Variants in DYNC1I1 observed in about 807,000 individuals in gnomAD.
DYNC1I1 encodes the protein cytoplasmic dynein 1 intermediate chain 1.
In DYNC1I1, 43 loss-of-function variants were observed where a neutral mutation model predicts 86.6. The ratio of observed to expected loss-of-function variants is 0.50; its 90% CI spans 0.39 to 0.64. DYNC1I1 has a LOEUF of 0.64. DYNC1I1 is among the 30% of genes least tolerant of loss of function. The pLI is 0.00. For missense variants in DYNC1I1, 604 were observed against 788.8 expected, an observed-to-expected ratio of 0.77 and a Z score of 2.81; for synonymous variants, 262 against 283.7, an observed-to-expected ratio of 0.92 and a Z score of 0.77.
At chr7:96,028,887 T>G (rs1402265520) in intron 11 of DYNC1I1, among the ~76,000 whole-genome samples, 1 of 152,188 alleles carries the variant, frequency 6.6e-6, no homozygotes, top group Non-Finnish European at 1.5e-5. Flanking sequence ...TTCAGTATAG[T>G]GTTCATAAGA....
At chr7:95,872,769 A>G (rs926979006) in intron 6 of DYNC1I1, among the ~76,000 whole-genome samples, 14 of 152,170 alleles carry the variant, frequency 9.2e-5, no homozygotes, top group African/African-American at 3.1e-4. Flanking sequence ...CTTTGCCCCA[A>G]TATATTTGAA....
At chr7:95,836,919 T>A (rs1464956009) in intron 5 of DYNC1I1, among the ~76,000 whole-genome samples, 4 of 151,878 alleles carry the variant, frequency 2.6e-5, no homozygotes, top group African/African-American at 9.7e-5. Flanking sequence ...TTGAATGTCC[T>A]CCCGTAGCTC....
chr7:95,907,086 C>A (rs1791195019), intron 6 of DYNC1I1, among the ~76,000 whole-genome samples: 3 of 152,212 alleles, frequency 2.0e-5, no homozygotes, highest in South Asian at 2.1e-4. Flanking sequence ...GCTTCCTTAC[C>A]GAGAGCTGCT....
intron 9 of DYNC1I1, among the ~76,000 whole-genome samples, chr7:95,990,833 C>T (rs967708907): frequency 2.0e-5 from 3 of 152,032 alleles, no homozygotes; most frequent in Non-Finnish European, 4.4e-5. Context: ...AGTTCAAGAC[C>T]AGCCTGGGCA....
At chr7:95,876,197 T>G (rs1790304997) in intron 6 of DYNC1I1, among the ~76,000 whole-genome samples, 1 of 151,948 alleles carries the variant, frequency 6.6e-6, no homozygotes, top group African/African-American at 2.4e-5. Flanking sequence ...CTCCTAATGC[T>G]TCCCCCAGAA....
At chr7:96,080,589 C>T (rs973129035) in intron 16 of DYNC1I1, 101 bp downstream of exon 16, 3 of 1,589,108 alleles carry the variant, frequency 1.9e-6, no homozygotes, top group Admixed American at 3.4e-5. Context: ...CAAGGACCCT[C>T]TCTAACGTGC....
chr7:96,081,426 A>G (rs1390159475), intron 16 of DYNC1I1, among the ~76,000 whole-genome samples: 1 of 152,122 alleles, frequency 6.6e-6, no homozygotes, highest in Non-Finnish European at 1.5e-5. Context: ...AATTGTACTT[A>G]AGATTGTGTG....
chr7:95,958,883 A>T (rs1413549966), intron 6 of DYNC1I1, among the ~76,000 whole-genome samples: 2 of 152,228 alleles, frequency 1.3e-5, no homozygotes, highest in African/African-American at 4.8e-5. Flanking sequence ...GGAAGAAATA[A>T]AACACGATTA....
chr7:95,977,391 T>C, intron 6 of DYNC1I1, 121 bp from the exon 7 acceptor site: 1 of 741,524 alleles, frequency 1.3e-6, no homozygotes, highest in Non-Finnish European at 2.2e-6. Flanking sequence ...TGTGGACTGA[T>C]TTACTTAGAT....
Position 95,869,984 on chromosome 7 carries a change from C to G in DYNC1I1, c.476C>G (p.Thr159Arg). The G allele has an allele frequency of 6.2e-7, 1 of 1,613,328 alleles. No homozygotes were observed. The highest frequency in any genetic ancestry group is 8.5e-7 in the Non-Finnish European group (1 of 1,179,696). Residue 159 changes from threonine (T) to arginine (R), a missense_variant, in exon 6 of 17, where the codon ACG becomes AGG. Transcript: ENST00000447467. ...AAGGAGACCCAGACTCCTCTTGCCA[C>G]GCATCAGTCTGAAGGTAAACTATGT... is the stretch of plus-strand genomic sequence containing the variant. ...YSKETQTPLA[T>R]HQSEEDEEDE... is the part of the protein sequence containing the mutation.
At chr7:95,906,005 A>T (rs1476275365) in intron 6 of DYNC1I1, among the ~76,000 whole-genome samples, 2 of 152,200 alleles carry the variant, frequency 1.3e-5, no homozygotes, top group Admixed American at 1.3e-4. Context: ...AGGGCTTCCC[A>T]ACGGTAAGGA....
At chr7:95,944,120 A>G (rs189583394) in intron 6 of DYNC1I1, among the ~76,000 whole-genome samples, 17 of 152,320 alleles carry the variant, frequency 1.1e-4, no homozygotes, top group African/African-American at 3.4e-4. Context: ...TTTGCAACCT[A>G]CTCATCTGAC....
At chr7:95,861,881 G>A (rs1458814875) in intron 5 of DYNC1I1, among the ~76,000 whole-genome samples, 1 of 152,104 alleles carries the variant, frequency 6.6e-6, no homozygotes, top group Non-Finnish European at 1.5e-5. Flanking sequence ...CACCTGCTTG[G>A]AGCAAGTGGC....
At chr7:96,045,091 T>A (rs1022361863) in intron 14 of DYNC1I1, among the ~76,000 whole-genome samples, 1 of 152,076 alleles carries the variant, frequency 6.6e-6, no homozygotes, top group African/African-American at 2.4e-5. Context: ...CTAAGGATGC[T>A]AAGCTGGAGC....
intron 16 of DYNC1I1, among the ~76,000 whole-genome samples, chr7:96,090,493 G>A (rs936262212): frequency 6.7e-6 from 1 of 149,878 alleles, no homozygotes; most frequent in African/African-American, 2.5e-5. Flanking sequence ...TAATTAGGTG[G>A]TAATGGATTT....
chr7:96,052,011 A>G (rs1789417945), intron 14 of DYNC1I1, among the ~76,000 whole-genome samples: 2 of 152,196 alleles, frequency 1.3e-5, no homozygotes, highest in Non-Finnish European at 2.9e-5. Flanking sequence ...CAGAATTGCC[A>G]TCCTTTCCCT....
In DYNC1I1 at chr7:95,842,370, A is replaced by G. The variant is rs1458428433; in HGVS notation, c.374+14254A>G. The stretch of plus-strand genomic sequence containing the variant: ...CATAAGTTAAGTAGTCAAAAAGTTA[A>G]AAGGATAAATGGTTACAGGAAAGTA... On this transcript the variant is annotated intron_variant, in intron 5 of 16. Transcript: ENST00000447467. Among the ~76,000 whole-genome samples the G allele has an allele frequency of 2.6e-5, 4 of 152,314 alleles. No individual in the cohort carries two copies. In the East Asian group the frequency reaches 7.7e-4, roughly 29 times the overall value.
intron 6 of DYNC1I1, among the ~76,000 whole-genome samples, chr7:95,898,833 G>A (rs753089265): frequency 2.0e-5 from 3 of 152,094 alleles, no homozygotes; most frequent in Non-Finnish European, 4.4e-5. Context: ...TAATGCCCTG[G>A]ACAATAAGGA....
intron 2 of DYNC1I1, 121 bp downstream of exon 2, chr7:95,804,958 G>T (rs1415170852): frequency 5.0e-6 from 7 of 1,409,688 alleles, no homozygotes; most frequent in Middle Eastern, 2.1e-4. Context: ...TGAATAAAAT[G>T]ATTATCTTCC....
Sources: gnomAD v4.1 joint callset for allele counts (sites outside exome capture counted in the v4.1 genomes callset) on GRCh38, gnomAD v4.1.1 for gene constraint, MANE v1.5 for transcripts, NCBI Gene and HGNC (gene_info 2026-07-23, HGNC 2026-07-21) for gene names.